The following PLSCR2 variants were observed in gnomAD, a reference collection of about 807,000 sequenced individuals.
PLSCR2 encodes the protein phospholipid scramblase 2.
Under a neutral mutation model 25.3 loss-of-function variants are expected in PLSCR2, and 18 were observed. The observed-to-expected ratio is 0.71, with a 90% confidence interval of 0.49 to 1.06. PLSCR2 has a LOEUF of 1.06. Ranked by LOEUF, PLSCR2 falls within the 50% of genes least tolerant of loss-of-function variation. The pLI is 0.00. For synonymous variants in PLSCR2, 88 were observed against 87.3 expected (o/e 1.01, Z -0.04); for missense variants, 243 against 269.5 (o/e 0.90, Z 0.69).
intron 1 of PLSCR2, among the ~76,000 whole-genome samples, chr3:146,479,417 G>C (rs1356759138): frequency 6.6e-6 from 1 of 152,030 alleles, no homozygotes; most frequent in African/African-American, 2.4e-5. Flanking sequence ...CAAATGAAAA[G>C]CAAAACAAAG....
intron 1 of PLSCR2, among the ~76,000 whole-genome samples, chr3:146,477,592 T>A (rs1343432827): frequency 6.6e-6 from 1 of 152,228 alleles, no homozygotes; most frequent in Non-Finnish European, 1.5e-5. Context: ...AAGCTTGAAC[T>A]GGACAGAGCC....
At chr3:146,452,971 A>G (rs2040989484) in intron 5 of PLSCR2, among the ~76,000 whole-genome samples, 1 of 151,898 alleles carries the variant, frequency 6.6e-6, no homozygotes. Flanking sequence ...ATAATCATAT[A>G]TTTCATATAC....
intron 1 of PLSCR2, among the ~76,000 whole-genome samples, chr3:146,479,891 A>G (rs2043069079): frequency 6.6e-6 from 1 of 152,254 alleles, no homozygotes; most frequent in Admixed American, 6.5e-5. Flanking sequence ...ACTGTCTCTC[A>G]GACCACAGTA....
chr3:146,483,310 A>G (rs981337953), intron 1 of PLSCR2, among the ~76,000 whole-genome samples: 5 of 148,930 alleles, frequency 3.4e-5, no homozygotes, highest in African/African-American at 5.0e-5. Context: ...GAGGGATAGC[A>G]TTAGGAGAAA....
At chr3:146,401,223 T>C (rs1305185859) in intron 2 of PLSCR2, 2 of 152,154 alleles carry the variant, frequency 1.3e-5, no homozygotes, top group South Asian at 2.1e-4. Flanking sequence ...CCTATACTTA[T>C]GTGGTACAAA....
intron 1 of PLSCR2, among the ~76,000 whole-genome samples, chr3:146,472,975 T>C (rs749843207): frequency 4.3e-4 from 65 of 152,340 alleles, no homozygotes; most frequent in Non-Finnish European, 7.3e-4. Flanking sequence ...CTGGTTCTTC[T>C]TCCTCTCCTT....
At chr3:146,446,507 A>C (rs1047408594) in intron 6 of PLSCR2, among the ~76,000 whole-genome samples, 1 of 152,094 alleles carries the variant, frequency 6.6e-6, no homozygotes, top group African/African-American at 2.4e-5. Context: ...ACTTTCCCCC[A>C]ACAAGGAGCG....
At chr3:146,421,607 G>A (rs2039154757) in intron 2 of PLSCR2, among the ~76,000 whole-genome samples, 1 of 152,056 alleles carries the variant, frequency 6.6e-6, no homozygotes, top group African/African-American at 2.4e-5. Context: ...ACAACCCACT[G>A]TCTCTCAAAG....
At chr3:146,396,956 C>A (rs1421295156) in intron 2 of PLSCR2, among the ~76,000 whole-genome samples, 3 of 152,070 alleles carry the variant, frequency 2.0e-5, no homozygotes, top group Non-Finnish European at 1.5e-5. Flanking sequence ...ACACACTAGC[C>A]CTACAAACAG....
chr3:146,426,277 T>TTCCTTC (rs1361534929), intron 2 of PLSCR2, among the ~76,000 whole-genome samples: 4 of 145,698 alleles, frequency 2.7e-5, no homozygotes, highest in Admixed American at 6.9e-5. Context: ...TTCCTTCTTT[T>TTCCTTC]CTTCCTTCCT....
At chr3:146,469,323 GC>G in intron 1 of PLSCR2, 171 bp downstream of exon 1, 1 of 984,142 alleles carries the variant, frequency 1.0e-6, no homozygotes, top group African/African-American at 1.7e-5. Context: ...CAGCTGGGCC[GC>G]CTGGGGCCCC....
At chr3:146,437,876 T>C (rs1251014403), downstream of PLSCR2, among the ~76,000 whole-genome samples, 1 of 152,238 alleles carries the variant, frequency 6.6e-6, no homozygotes, top group East Asian at 1.9e-4. Context: ...AGGGTGTCAA[T>C]TTTAGATCTT....
intron 6 of PLSCR2, among the ~76,000 whole-genome samples, chr3:146,442,301 C>T (rs1046350292): frequency 6.6e-6 from 1 of 151,904 alleles, no homozygotes; most frequent in South Asian, 2.1e-4. Context: ...AACTGTAAGA[C>T]AAACTGAAAA....
rs75877849 is a variant in PLSCR2 at position 146,392,472 on chromosome 3, C to A, written c.*146-910G>T. Among the ~76,000 whole-genome samples, 1,444 of 151,886 alleles carry A rather than the reference C, an allele frequency of 9.5e-3. 25 individuals are homozygous for A. The highest frequency in any genetic ancestry group is 0.033 in the African/African-American group (1,360 of 41,454). ...TTAAGTTTAGTGGTTTTTATTCCCT[C>A]TTTGATAGTTATTTGAATTATTTTT... On this transcript the variant is annotated intron_variant and NMD_transcript_variant, in intron 3 of 3. Coordinates refer to the PLSCR2 transcript ENST00000463633.
chr3:146,466,159 T>TTTTG (rs374745417), intron 1 of PLSCR2, among the ~76,000 whole-genome samples: 1 of 152,040 alleles, frequency 6.6e-6, no homozygotes. Context: ...GCTTTTACAG[T>TTTTG]TTTGTTTGTT....
At chr3:146,475,057 C>G (rs1384066045) in intron 1 of PLSCR2, among the ~76,000 whole-genome samples, 2 of 151,756 alleles carry the variant, frequency 1.3e-5, no homozygotes, top group South Asian at 4.2e-4. Context: ...TATCAAGGTT[C>G]TTAGCTTCTT....
intron 3 of PLSCR2, among the ~76,000 whole-genome samples, chr3:146,457,086 C>T (rs879162599): frequency 6.6e-6 from 1 of 151,744 alleles, no homozygotes; most frequent in South Asian, 2.1e-4. Flanking sequence ...TACAAAAAAC[C>T]GAGAACATTA....
At chr3:146,411,460 C>A (rs150316968) in intron 2 of PLSCR2, among the ~76,000 whole-genome samples, 169 of 152,290 alleles carry the variant, frequency 1.1e-3, no homozygotes, top group African/African-American at 3.2e-3. Flanking sequence ...GTAGTCAATC[C>A]GCTCTCCTCC....
chr3:146,461,438 T>C, upstream of PLSCR2, among the ~76,000 whole-genome samples: 1 of 152,128 alleles, frequency 6.6e-6, no homozygotes, highest in East Asian at 1.9e-4. Flanking sequence ...GATACAGCTA[T>C]CAAAAAGTCA....
Sources: allele counts gnomAD v4.1 joint callset (sites outside exome capture counted in the v4.1 genomes callset), GRCh38; gene constraint gnomAD v4.1.1; transcripts MANE v1.5; gene names NCBI Gene and HGNC (gene_info 2026-07-23, HGNC 2026-07-21).